The following USP15 variants were observed in gnomAD, a reference collection of about 807,000 sequenced individuals.
USP15 encodes the protein ubiquitin carboxyl-terminal hydrolase 15.
A neutral mutation model predicts 127.1 loss-of-function variants in USP15; 18 were observed. The observed-to-expected ratio is 0.14, with a 90% CI of 0.10 to 0.21. The LOEUF (loss-of-function observed/expected upper bound fraction) is 0.21, where lower values mean the gene tolerates loss of function less well. Ranked by LOEUF, USP15 falls within the 10% of genes least tolerant of loss-of-function variation. The pLI is 1.00. For synonymous variants in USP15, 364 were observed against 393.7 expected, an observed-to-expected ratio of 0.92 and a Z score of 0.89; for missense variants, 805 against 1,159.9, an observed-to-expected ratio of 0.69 and a Z score of 4.44.
At chr12:62,309,447 T>C (rs1008359297) in intron 3 of USP15, among the ~76,000 whole-genome samples, 10 of 152,054 alleles carry the variant, frequency 6.6e-5, no homozygotes, top group South Asian at 4.1e-4. Context: ...AAAGAAAGCT[T>C]CAGGCCAAGA....
At chr12:62,385,926 A>G (rs944313992) in intron 11 of USP15, among the ~76,000 whole-genome samples, 6 of 152,092 alleles carry the variant, frequency 3.9e-5, no homozygotes, top group Non-Finnish European at 7.4e-5. Flanking sequence ...GTTAGAGATA[A>G]TATTCTCCCA....
chr12:62,415,932 G>T lies in USP15; in HGVS notation c.*11557G>T, dbSNP rs999567047. On this transcript the variant is annotated 3_prime_UTR_variant, in exon 22 of 22. Transcript: ENST00000280377. ...GAATGATTGTTCCTTCCTTATGAAT[G>T]AGAGCAGCTCTCTGTTCAATACGAT... 1.3e-5 allele frequency: 2 copies of T among 152,182 alleles called. No individual in the cohort carries two copies. The highest frequency in any genetic ancestry group is 1.3e-4 in the Admixed American group (2 of 15,274). 9.4% of individuals were successfully genotyped at this position (152,182 alleles called of 1,614,324 possible). A position where few individuals can be genotyped will look rare whatever the true frequency, so the allele number is the denominator to read the frequency against.
At position 62,298,852 on chromosome 12, in the gene USP15, AAG is replaced by A. The variant is rs1230812578; in HGVS notation, c.218-3936_218-3935del. ...TTGCAAAAAAAAAAAAAAAAAAAAA[AAG>A]AATGAGTGAAATAATGGCTGAAACT... On this transcript the variant is annotated intron_variant, in intron 2 of 21. Transcript: ENST00000280377. Among the ~76,000 whole-genome samples the A allele has an allele frequency of 1.8e-3, 276 of 151,050 alleles. 1 individual carries two copies. Among genetic ancestry groups the A allele is most frequent in the Non-Finnish European group, 3.2e-3 (219 of 67,640 alleles).
chr12:62,381,708 C>A, intron 9 of USP15, 45 bp downstream of exon 9: 2 of 1,568,536 alleles, frequency 1.3e-6, no homozygotes, highest in South Asian at 1.2e-5. Flanking sequence ...TGCAAGGGTA[C>A]AAAAGTTGGT....
chr12:62,307,891 A>T (rs921537067), intron 3 of USP15, among the ~76,000 whole-genome samples: 3 of 152,158 alleles, frequency 2.0e-5, no homozygotes, highest in African/African-American at 7.2e-5. Context: ...ATATCATTAC[A>T]AGAAAAAGGG....
intron 12 of USP15, 21 bp from the exon 13 acceptor site, chr12:62,389,584 T>C: frequency 6.2e-7 from 1 of 1,610,272 alleles, no homozygotes. Flanking sequence ...ACCAGCTTAA[T>C]AGAAATTCGT....
intron 4 of USP15, among the ~76,000 whole-genome samples, chr12:62,316,625 T>G (rs1057363594): frequency 3.3e-5 from 5 of 152,096 alleles, no homozygotes; most frequent in African/African-American, 1.2e-4. Flanking sequence ...TAATGTTTTC[T>G]AGTTATTTTT....
chr12:62,368,352 C>G (rs933307755), intron 8 of USP15, among the ~76,000 whole-genome samples: 1 of 152,112 alleles, frequency 6.6e-6, no homozygotes, highest in East Asian at 1.9e-4. Flanking sequence ...GAGTTCAAGT[C>G]CCGAATATCC....
intron 2 of USP15, among the ~76,000 whole-genome samples, chr12:62,295,630 A>G (rs1284054170): frequency 6.6e-6 from 1 of 152,220 alleles, no homozygotes; most frequent in Non-Finnish European, 1.5e-5. Flanking sequence ...ACAAATACAA[A>G]ATTAAAAGTT....
In USP15 at chr12:62,332,119, G is replaced by A. The variant is rs115563766; in HGVS notation, c.683+6186G>A. Among the ~76,000 whole-genome samples the A allele has an allele frequency of 4.9e-3, 739 of 151,376 alleles. 1 individual carries two copies. The highest frequency in any genetic ancestry group is 0.017 in the African/African-American group (691 of 41,228). On this transcript the variant is annotated intron_variant, in intron 6 of 21. Coordinates refer to ENST00000280377, the MANE Select transcript of USP15 (RefSeq NM_001252078.2). ...GTGAAGGTTGCAGTGAGCTGAGATC[G>A]CGCCAGTGCACTCCACTTTGGGTAG...
At chr12:62,404,149 A>G in intron 21 of USP15, 44 bp from the exon 22 acceptor site, 1 of 1,511,108 alleles carries the variant, frequency 6.6e-7, no homozygotes, top group Non-Finnish European at 8.9e-7. Flanking sequence ...ATTTAACGTG[A>G]TCTTTGAGAA....
intron 1 of USP15, among the ~76,000 whole-genome samples, chr12:62,261,710 T>G (rs569217626): frequency 6.6e-6 from 1 of 152,348 alleles, no homozygotes; most frequent in East Asian, 1.9e-4. Flanking sequence ...CAAATTTTAG[T>G]TATCCTCTTA....
intron 1 of USP15, among the ~76,000 whole-genome samples, chr12:62,264,011 C>CA (rs1214868607): frequency 1.3e-5 from 2 of 152,088 alleles, no homozygotes; most frequent in Admixed American, 6.6e-5. Flanking sequence ...GTTTTTGAAA[C>CA]AGAGTCTCGC....
chr12:62,313,154 T>C (rs1472888556), intron 3 of USP15, among the ~76,000 whole-genome samples: 2 of 151,598 alleles, frequency 1.3e-5, no homozygotes, highest in Non-Finnish European at 3.0e-5. Context: ...AAAAAAATGT[T>C]GAGAAAAATT....
chr12:62,388,044 T>C (rs1388921123), intron 11 of USP15, among the ~76,000 whole-genome samples: 1 of 152,076 alleles, frequency 6.6e-6, no homozygotes, highest in Non-Finnish European at 1.5e-5. Context: ...AGTTTCTGTT[T>C]TTGAGATGAA....
chr12:62,376,508 C>G (rs2066832779), intron 8 of USP15, among the ~76,000 whole-genome samples: 1 of 152,090 alleles, frequency 6.6e-6, no homozygotes, highest in Non-Finnish European at 1.5e-5. Flanking sequence ...TCCTGAAACA[C>G]TGAAGTTTTG....
intron 8 of USP15, among the ~76,000 whole-genome samples, chr12:62,365,555 A>C (rs533776449): frequency 6.6e-6 from 1 of 152,212 alleles, no homozygotes; most frequent in Non-Finnish European, 1.5e-5. Flanking sequence ...TTTTTAGTTT[A>C]ATTAGATCCC....
intron 8 of USP15, among the ~76,000 whole-genome samples, chr12:62,374,756 G>T (rs1316439039): frequency 6.6e-6 from 1 of 151,992 alleles, no homozygotes; most frequent in Non-Finnish European, 1.5e-5. Flanking sequence ...GAAACATCAG[G>T]CTTATTAGTC....
intron 8 of USP15, among the ~76,000 whole-genome samples, chr12:62,373,359 A>G (rs2066733031): frequency 6.6e-6 from 1 of 152,004 alleles, no homozygotes; most frequent in African/African-American, 2.4e-5. Context: ...GTCAGTATTT[A>G]TACTTCCTAG....
Sources: allele counts gnomAD v4.1 joint callset (sites outside exome capture counted in the v4.1 genomes callset), GRCh38; gene constraint gnomAD v4.1.1; transcripts MANE v1.5; gene names NCBI Gene and HGNC (gene_info 2026-07-23, HGNC 2026-07-21).